CFAP299: variants seen among roughly 807,000 people sequenced by gnomAD.
CFAP299 encodes cilia- and flagella-associated protein 299.
CFAP299 carries 21 observed loss-of-function variants against 27.0 expected under a neutral mutation model. The ratio of observed to expected loss-of-function variants is 0.78; its 90% CI spans 0.55 to 1.12. The LOEUF is 1.12. Among genes scored for constraint, CFAP299 ranks in the 50% most tolerant of loss-of-function variants. The pLI is 0.00. For missense variants in CFAP299, 310 were observed against 276.6 expected (o/e 1.12, Z -0.86); for synonymous variants, 104 against 98.1 (o/e 1.06, Z -0.36).
chr4:80,871,554 C>G, intron 4 of CFAP299: 1 of 985,408 alleles, frequency 1.0e-6, no homozygotes, highest in Non-Finnish European at 1.2e-6. Flanking sequence ...TTCTGTGTCA[C>G]CTGTCTTGGC....
At chr4:80,346,123 T>A (rs527957969) in intron 1 of CFAP299, among the ~76,000 whole-genome samples, 7 of 152,236 alleles carry the variant, frequency 4.6e-5, no homozygotes, top group Admixed American at 3.3e-4. Flanking sequence ...ATGGGGTTGT[T>A]TGATTTTTTC....
chr4:80,484,140 A>C (rs949283622), intron 2 of CFAP299, among the ~76,000 whole-genome samples: 1 of 152,144 alleles, frequency 6.6e-6, no homozygotes, highest in Admixed American at 6.5e-5. Flanking sequence ...ATAACGAGTG[A>C]GGCAATTATA....
intron 3 of CFAP299, among the ~76,000 whole-genome samples, chr4:80,751,854 C>A (rs1724944184): frequency 6.6e-6 from 1 of 152,154 alleles, no homozygotes; most frequent in Non-Finnish European, 1.5e-5. Flanking sequence ...AGAAGTGGGG[C>A]CCACAGAATG....
chr4:80,498,924 G>A lies in CFAP299; in HGVS notation c.243-84169G>A, dbSNP rs555098051. 2.6e-5 allele frequency among the ~76,000 whole-genome samples: 4 copies of A among 152,250 alleles called. No homozygotes were observed. In the South Asian group the frequency reaches 8.3e-4, roughly 32 times the overall value. On this transcript the variant is annotated intron_variant, in intron 2 of 5. Coordinates refer to ENST00000358105, the MANE Select transcript of CFAP299 (RefSeq NM_152770.3). Reference sequence around the variant, plus strand: ...GAATATTATACAGCCATAAACAAGAGTGAGATCATGTTCTTTGCAGCAACA... The same window carrying A: ...GAATATTATACAGCCATAAACAAGAATGAGATCATGTTCTTTGCAGCAACA...
chr4:80,339,859 A>C (rs1319787308), intron 1 of CFAP299, among the ~76,000 whole-genome samples: 1 of 152,226 alleles, frequency 6.6e-6, no homozygotes, highest in Non-Finnish European at 1.5e-5. Context: ...CTGGAAAAAT[A>C]AAAGTCCTAA....
intron 4 of CFAP299, among the ~76,000 whole-genome samples, chr4:80,918,164 G>T (rs1315450369): frequency 6.6e-6 from 1 of 152,038 alleles, no homozygotes; most frequent in Non-Finnish European, 1.5e-5. Context: ...TGTTGTCCTG[G>T]TTTCCTGTTA....
intron 2 of CFAP299, chr4:80,386,513 G>GT: frequency 2.9e-6 from 3 of 1,029,438 alleles, no homozygotes; most frequent in South Asian, 2.0e-5. Flanking sequence ...GGGCGGTGGT[G>GT]GGGGGGGGGG....
At chr4:80,387,543 G>GTTT in intron 2 of CFAP299, 1 of 910,364 alleles carries the variant, frequency 1.1e-6, no homozygotes, top group Non-Finnish European at 1.8e-6. Context: ...CCAACCCTGT[G>GTTT]TTTTCCTCAT....
At chr4:80,810,271 G>A (rs573780191) in intron 3 of CFAP299, among the ~76,000 whole-genome samples, 2 of 151,732 alleles carry the variant, frequency 1.3e-5, no homozygotes, top group African/African-American at 2.4e-5. Context: ...GCCCTTGAAG[G>A]AACTTAATCA....
chr4:80,927,177 G>C (rs1251297591), intron 4 of CFAP299, among the ~76,000 whole-genome samples: 1 of 152,008 alleles, frequency 6.6e-6, no homozygotes, highest in African/African-American at 2.4e-5. Flanking sequence ...TTTCTATGTG[G>C]ATTCAACACT....
intron 2 of CFAP299, among the ~76,000 whole-genome samples, chr4:80,467,354 A>G (rs745356679): frequency 2.0e-5 from 3 of 152,200 alleles, no homozygotes; most frequent in Non-Finnish European, 4.4e-5. Flanking sequence ...TACCATTCTT[A>G]CAACTTCCTA....
intron 2 of CFAP299, among the ~76,000 whole-genome samples, chr4:80,466,640 A>G (rs1729716266): frequency 1.3e-5 from 2 of 152,120 alleles, no homozygotes; most frequent in South Asian, 4.1e-4. Flanking sequence ...TTCTAGTCTC[A>G]TCGAAGCCAA....
At position 80,357,030 on chromosome 4, in the gene CFAP299, G is replaced by A. The variant is rs1002139342; in HGVS notation, c.112-5724G>A. ...GTTCCTTCAATACCTGGTTTATTGA[G>A]AATTTTTAACATGAAGGGATGTTGA... On this transcript the variant is annotated intron_variant, in intron 1 of 5. Coordinates refer to ENST00000358105, the MANE Select transcript of CFAP299 (RefSeq NM_152770.3). Among the ~76,000 whole-genome samples the A allele has an allele frequency of 2.0e-5, 3 of 152,106 alleles. No individual in the cohort carries two copies. The East Asian group carries it at 5.8e-4, about 29-fold the overall frequency.
chr4:80,324,234 C>T, the CFAP299 span, among the ~76,000 whole-genome samples: 8 of 152,110 alleles, frequency 5.3e-5, no homozygotes, highest in South Asian at 2.1e-4. Context: ...ACTCAGGAAT[C>T]GGTTTTATGC....
intron 2 of CFAP299, among the ~76,000 whole-genome samples, chr4:80,487,995 G>A (rs1316090123): frequency 6.6e-6 from 1 of 152,136 alleles, no homozygotes; most frequent in African/African-American, 2.4e-5. Flanking sequence ...TCTTATGCAT[G>A]CTAGTTTTTA....
intron 2 of CFAP299, among the ~76,000 whole-genome samples, chr4:80,446,943 G>A (rs185814175): frequency 6.6e-6 from 1 of 152,136 alleles, no homozygotes; most frequent in Admixed American, 6.5e-5. Flanking sequence ...GATTAAGTAA[G>A]CATCATGGTT....
chr4:80,386,501 G>T (rs1459149478), intron 2 of CFAP299: 2 of 1,486,160 alleles, frequency 1.3e-6, no homozygotes, highest in African/African-American at 1.9e-5. Context: ...CCCTCTTCTC[G>T]CGGGCGGTGG....
chr4:80,361,249 C>T (rs1723531075), intron 1 of CFAP299, among the ~76,000 whole-genome samples: 1 of 152,150 alleles, frequency 6.6e-6, no homozygotes, highest in African/African-American at 2.4e-5. Flanking sequence ...AGGTAAAGCA[C>T]ACAGGGATAC....
At chr4:80,798,017 T>G (rs1427300569) in intron 3 of CFAP299, among the ~76,000 whole-genome samples, 2 of 152,262 alleles carry the variant, frequency 1.3e-5, no homozygotes, top group Non-Finnish European at 2.9e-5. Flanking sequence ...TTCAGCCTGA[T>G]TCAACTCTAC....
Sources: gnomAD v4.1 joint callset for allele counts (sites outside exome capture counted in the v4.1 genomes callset) on GRCh38, gnomAD v4.1.1 for gene constraint, MANE v1.5 for transcripts, NCBI Gene and HGNC (gene_info 2026-07-23, HGNC 2026-07-21) for gene names.